Variants in LARS2 observed in about 807,000 individuals in gnomAD.
LARS2 encodes the protein leucine--tRNA ligase, mitochondrial.
LARS2 carries 81 observed loss-of-function variants against 116.6 expected under a neutral mutation model. That is an observed-to-expected ratio of 0.69 (90% CI 0.58 to 0.84). The LOEUF is 0.84. LARS2 is among the 40% of genes least tolerant of loss of function. The probability of loss-of-function intolerance (pLI) is 0.00; values close to 1 mark genes in which losing one functional copy is unlikely to be tolerated. For missense variants in LARS2, 968 were observed against 1,114.5 expected, an observed-to-expected ratio of 0.87 and a Z score of 1.87; for synonymous variants, 396 against 407.2, an observed-to-expected ratio of 0.97 and a Z score of 0.33.
chr3:45,517,861 G>T, intron 17 of LARS2, 42 bp from the exon 18 acceptor site: 2 of 1,550,766 alleles, frequency 1.3e-6, no homozygotes, highest in South Asian at 2.3e-5. Context: ...TCACCCTTAT[G>T]TTGCACGCTC....
At chr3:45,392,285 A>C (rs191274086) in intron 2 of LARS2, among the ~76,000 whole-genome samples, 1 of 151,250 alleles carries the variant, frequency 6.6e-6, no homozygotes, top group Non-Finnish European at 1.5e-5. Context: ...CAACTAATAG[A>C]GAGATTTCTT....
intron 10 of LARS2, among the ~76,000 whole-genome samples, chr3:45,477,375 C>G (rs773729260): frequency 6.6e-6 from 1 of 152,180 alleles, no homozygotes. Context: ...CAGACAGTCC[C>G]CTGAGTGCCA....
At chr3:45,433,626 T>C (rs1054585363) in intron 6 of LARS2, among the ~76,000 whole-genome samples, 2 of 152,154 alleles carry the variant, frequency 1.3e-5, no homozygotes, top group African/African-American at 4.8e-5. Context: ...AACCATCAAA[T>C]ACAATTCAGA....
At chr3:45,389,615 A>G (rs947507197) in intron 1 of LARS2, among the ~76,000 whole-genome samples, 6 of 152,188 alleles carry the variant, frequency 3.9e-5, no homozygotes, top group Non-Finnish European at 7.3e-5. Flanking sequence ...AGAGGGGTGG[A>G]GTAGTGGGAA....
chr3:45,466,047 C>T (rs1373081599), intron 8 of LARS2, among the ~76,000 whole-genome samples: 1 of 152,156 alleles, frequency 6.6e-6, no homozygotes, highest in East Asian at 1.9e-4. Context: ...GATGGAATGA[C>T]TGCAAAGGAA....
At chr3:45,520,395 T>C in intron 19 of LARS2, 99 bp downstream of exon 19, 1 of 777,234 alleles carries the variant, frequency 1.3e-6, no homozygotes, top group Non-Finnish European at 2.3e-6. Flanking sequence ...GCACCCCCAC[T>C]GTGTCACCGC....
At position 45,474,279 on chromosome 3, in the gene LARS2, T is replaced by A. The variant is rs1699577253; in HGVS notation, c.787T>A (p.Tyr263Asn). The A allele has an allele frequency of 6.2e-7, 1 of 1,611,620 alleles. No homozygotes were observed. Among genetic ancestry groups the A allele is most frequent in the African/African-American group, 1.3e-5 (1 of 74,896 alleles). Residue 263 changes from tyrosine (Y) to asparagine (N), a missense_variant, in exon 9 of 22, where the codon TAT becomes AAT. Physicochemically the swap from Tyr to Asn is moderately radical, Grantham distance 143 (BLOSUM62 -2). Transcript: ENST00000645846. ...QDALADLPEW[Y>N]GIKGMQAHWI... ...CGCGTTGGCAGACCTTCCAGAATGG[T>A]ATGGAATAAAAGGCATGCAAGCCCA...
chr3:45,393,813 G>T (rs1697998594), intron 2 of LARS2, among the ~76,000 whole-genome samples: 2 of 152,116 alleles, frequency 1.3e-5, no homozygotes, highest in Non-Finnish European at 2.9e-5. Flanking sequence ...GAAAGAGCAG[G>T]ACCCTGTCTC....
At chr3:45,496,969 T>C (rs1700024266) in intron 14 of LARS2, among the ~76,000 whole-genome samples, 1 of 152,252 alleles carries the variant, frequency 6.6e-6, no homozygotes, top group Non-Finnish European at 1.5e-5. Flanking sequence ...ATTTGTATGA[T>C]TGTAAAGATG....
At chr3:45,396,789 A>G (rs754980706) in intron 3 of LARS2, among the ~76,000 whole-genome samples, 1 of 152,250 alleles carries the variant, frequency 6.6e-6, no homozygotes, top group Non-Finnish European at 1.5e-5. Context: ...AGGTTTAGGT[A>G]ATTTGCCAAG....
chr3:45,404,240 C>T (rs930393693), intron 4 of LARS2, among the ~76,000 whole-genome samples: 1 of 152,146 alleles, frequency 6.6e-6, no homozygotes, highest in African/African-American at 2.4e-5. Context: ...ATAGCAAGCC[C>T]TCTTTTCAGG....
chr3:45,528,570 C>T (rs1700567057), intron 20 of LARS2, among the ~76,000 whole-genome samples: 1 of 152,154 alleles, frequency 6.6e-6, no homozygotes, highest in East Asian at 1.9e-4. Context: ...AAAGGTTCCC[C>T]ACACCATTAG....
Position 45,458,734 on chromosome 3 carries a change from A to T in LARS2, c.607-9A>T. The stretch of plus-strand genomic sequence containing the variant: ...CAGATTGTGCCATTTTGTTTCATGA[A>T]TTATACAGGCCCTGGTTAACTGGGA... On this transcript the variant is annotated splice_polypyrimidine_tract_variant and intron_variant, in intron 7 of 21. Coordinates refer to ENST00000645846, the MANE Select transcript of LARS2 (RefSeq NM_015340.4). The T allele has an allele frequency of 6.2e-7, 1 of 1,614,010 alleles. No homozygotes were observed. The highest frequency in any genetic ancestry group is 8.5e-7 in the Non-Finnish European group (1 of 1,179,928).
intron 20 of LARS2, among the ~76,000 whole-genome samples, chr3:45,537,624 A>G (rs140040877): frequency 2.0e-5 from 3 of 152,274 alleles, no homozygotes; most frequent in East Asian, 1.9e-4. Flanking sequence ...CCTCCTTCCT[A>G]TTCACTTCCT....
rs142749511 is a variant in LARS2 at position 45,397,045 on chromosome 3, G to A, written c.234+2358G>A. On this transcript the variant is annotated intron_variant, in intron 3 of 21. Transcript: ENST00000645846. ...CTAGGCTCAGCCACAGCTTCAGAGC[G>A]TGATCTATAAAGAGGCAGAAGTCAT... is the stretch of plus-strand genomic sequence containing the variant. Among the ~76,000 whole-genome samples, 1,465 of 152,314 alleles carry A rather than the reference G, an allele frequency of 9.6e-3. 12 individuals are homozygous for A. Among genetic ancestry groups the A allele is most frequent in the Non-Finnish European group, 0.015 (1,009 of 68,028 alleles).
intron 10 of LARS2, among the ~76,000 whole-genome samples, chr3:45,477,586 G>A (rs923678514): frequency 2.0e-5 from 3 of 152,146 alleles, no homozygotes; most frequent in African/African-American, 7.2e-5. Context: ...CAAACTTGAG[G>A]GCTCTTACCA....
chr3:45,433,173 A>G (rs1178654552), intron 6 of LARS2, among the ~76,000 whole-genome samples: 2 of 151,992 alleles, frequency 1.3e-5, no homozygotes, highest in African/African-American at 4.8e-5. Context: ...TTTTTTGTAA[A>G]TTGAAAACAG....
rs139787931 is a variant in LARS2, at chr3:45,496,301, C to T, written c.1550C>T (p.Thr517Ile). Residue 517 changes from threonine (T) to isoleucine (I), a missense_variant, in exon 14 of 22, where the codon ACA becomes ATA. Physicochemically the swap from Thr to Ile is moderately conservative, Grantham distance 89. Coordinates refer to ENST00000645846, the MANE Select transcript of LARS2 (RefSeq NM_015340.4). The stretch of plus-strand genomic sequence containing the variant: ...TGCAAGGGAGCAGCCAAGAGAGAGA[C>T]AGACACGATGGATACCTTTGTTGAT... ...PRCKGAAKRE[T>I]DTMDTFVDSA... The T allele has an allele frequency of 5.0e-6, 8 of 1,613,810 alleles. No homozygotes were observed. The African/African-American group carries it at 6.7e-5, about 13-fold the overall frequency.
At chr3:45,458,390 C>T (rs1195356973) in intron 7 of LARS2, among the ~76,000 whole-genome samples, 1 of 152,124 alleles carries the variant, frequency 6.6e-6, no homozygotes, top group African/African-American at 2.4e-5. Context: ...AGGATGGTCT[C>T]ATAAAATGAG....
Sources: gnomAD v4.1 joint callset for allele counts (sites outside exome capture counted in the v4.1 genomes callset) on GRCh38, gnomAD v4.1.1 for gene constraint, MANE v1.5 for transcripts, NCBI Gene and HGNC (gene_info 2026-07-23, HGNC 2026-07-21) for gene names.